Variants in CYP7B1 observed in about 807,000 individuals in gnomAD.
CYP7B1 encodes cytochrome P450 family 7 subfamily B member 1.
Under a neutral mutation model 42.7 loss-of-function variants are expected in CYP7B1, and 29 were observed. The ratio of observed to expected loss-of-function variants is 0.68; its 90% CI spans 0.51 to 0.93. CYP7B1 has a LOEUF of 0.93. Ranked by LOEUF, CYP7B1 falls within the 40% of genes least tolerant of loss-of-function variation. The pLI is 0.00. For missense variants in CYP7B1, 655 were observed against 600.5 expected (o/e 1.09, Z -0.95); for synonymous variants, 235 against 218.2 (o/e 1.08, Z -0.68).
chr8:64,737,400 AT>A (rs1166861818), intron 1 of CYP7B1, among the ~76,000 whole-genome samples: 3 of 152,236 alleles, frequency 2.0e-5, no homozygotes, highest in African/African-American at 4.8e-5. Flanking sequence ...CACTTTGGCC[AT>A]GTAAAATCTC....
chr8:64,705,775 T>C (rs1164475328), intron 1 of CYP7B1, among the ~76,000 whole-genome samples: 2 of 152,088 alleles, frequency 1.3e-5, no homozygotes, highest in African/African-American at 4.8e-5. Context: ...CAGTGAAAGA[T>C]TAATTAAAAA....
At chr8:64,736,123 A>G (rs1807483462) in intron 1 of CYP7B1, among the ~76,000 whole-genome samples, 1 of 152,206 alleles carries the variant, frequency 6.6e-6, no homozygotes, top group African/African-American at 2.4e-5. Flanking sequence ...CTTTGTGTTT[A>G]CATCCCTATT....
chr8:64,722,887 A>C (rs1807267543), intron 1 of CYP7B1, among the ~76,000 whole-genome samples: 1 of 151,872 alleles, frequency 6.6e-6, no homozygotes, highest in African/African-American at 2.4e-5. Context: ...GTGTCTTCTT[A>C]GGGTGAAACT....
rs74994230 is a variant in CYP7B1 at position 64,638,219 on chromosome 8, C to T, written c.123-13680G>A. On this transcript the variant is annotated intron_variant, in intron 1 of 5. Transcript: ENST00000310193. The stretch of plus-strand genomic sequence containing the variant: ...TTATGCTTTCTCTTTTTCATGATGG[C>T]GACTTTCCTCACTAGCTCCAGATCC... Among the ~76,000 whole-genome samples, 1,490 of 151,708 alleles carry T rather than the reference C, an allele frequency of 9.8e-3. 26 individuals are homozygous for T. Among genetic ancestry groups the T allele is most frequent in the African/African-American group, 0.034 (1,403 of 41,340 alleles).
intron 1 of CYP7B1, among the ~76,000 whole-genome samples, chr8:64,727,566 G>A (rs1015447167): frequency 1.3e-5 from 2 of 152,116 alleles, no homozygotes; most frequent in African/African-American, 2.4e-5. Context: ...CAAAGCCACC[G>A]CATCTGTCCC....
At chr8:64,628,865 C>T (rs1322001807) in intron 1 of CYP7B1, among the ~76,000 whole-genome samples, 1 of 152,026 alleles carries the variant, frequency 6.6e-6, no homozygotes, top group Admixed American at 6.5e-5. Context: ...TCATGCTATA[C>T]CTGTAGTTAA....
intron 1 of CYP7B1, among the ~76,000 whole-genome samples, chr8:64,648,727 C>T (rs73237799): frequency 0.087 from 13,290 of 152,162 alleles, 870 homozygotes; most frequent in African/African-American, 0.17. Flanking sequence ...ATGGTAAAGG[C>T]AAGAGGTGTA....
chr8:64,712,580 T>C (rs141770283), intron 1 of CYP7B1, among the ~76,000 whole-genome samples: 275 of 152,122 alleles, frequency 1.8e-3, no homozygotes, highest in African/African-American at 6.3e-3. Flanking sequence ...AACCAACATA[T>C]ATTTGTTAAA....
chr8:64,739,434 T>C (rs150864622), intron 1 of CYP7B1, among the ~76,000 whole-genome samples: 3 of 152,174 alleles, frequency 2.0e-5, no homozygotes, highest in Non-Finnish European at 2.9e-5. Flanking sequence ...CTAGAGGAAG[T>C]TGAGGCCCCT....
intron 1 of CYP7B1, among the ~76,000 whole-genome samples, chr8:64,764,931 C>T (rs1807948167): frequency 6.6e-6 from 1 of 151,578 alleles, no homozygotes; most frequent in South Asian, 2.1e-4. Flanking sequence ...AAAGTTCCGA[C>T]CAGACCTAGA....
At chr8:64,726,024 C>T (rs552751737) in intron 1 of CYP7B1, among the ~76,000 whole-genome samples, 4 of 152,194 alleles carry the variant, frequency 2.6e-5, no homozygotes, top group Non-Finnish European at 5.9e-5. Flanking sequence ...ATCTTGTTCT[C>T]CTGTGAGGAT....
intron 4 of CYP7B1, among the ~76,000 whole-genome samples, chr8:64,607,079 G>T (rs761022489): frequency 6.6e-6 from 1 of 152,170 alleles, no homozygotes; most frequent in East Asian, 1.9e-4. Flanking sequence ...TATCCTGCAC[G>T]GTAGAGCAAC....
intron 5 of CYP7B1, among the ~76,000 whole-genome samples, chr8:64,598,178 T>A (rs749318201): frequency 1.3e-5 from 2 of 152,222 alleles, no homozygotes; most frequent in Non-Finnish European, 2.9e-5. Flanking sequence ...GCAAAATTTA[T>A]CTGCATTTTT....
chr8:64,647,038 A>G (rs1805964245), intron 1 of CYP7B1, among the ~76,000 whole-genome samples: 1 of 152,208 alleles, frequency 6.6e-6, no homozygotes, highest in Non-Finnish European at 1.5e-5. Flanking sequence ...AAGTGAGAGA[A>G]GTGTGAATCT....
chr8:64,728,067 T>TAC lies in CYP7B1; in HGVS notation c.122+70397_122+70398dup, dbSNP rs1422983438. The TAC allele has an allele frequency of 7.9e-5, 12 of 152,356 alleles. No homozygotes were observed. In the East Asian group the frequency reaches 2.1e-3, roughly 27 times the overall value. 9.4% of individuals were successfully genotyped at this position (152,356 alleles called of 1,614,324 possible). On this transcript the variant is annotated intron_variant, in intron 1 of 5. Coordinates refer to ENST00000310193, the MANE Select transcript of CYP7B1 (RefSeq NM_004820.5). Reference sequence around the variant, plus strand: ...GTTTAGCATGCAGTACCTGCTGTGGTACACATTCTTCTGTTAATGAGCATG... The same window carrying TAC: ...GTTTAGCATGCAGTACCTGCTGTGGTACACACATTCTTCTGTTAATGAGCATG...
At chr8:64,745,175 T>C (rs1034047111) in intron 1 of CYP7B1, among the ~76,000 whole-genome samples, 1 of 152,228 alleles carries the variant, frequency 6.6e-6, no homozygotes, top group East Asian at 1.9e-4. Context: ...ATGGGTAAGA[T>C]ACAGCATTCC....
chr8:64,778,634 C>T (rs552732453), intron 1 of CYP7B1, among the ~76,000 whole-genome samples: 3 of 152,174 alleles, frequency 2.0e-5, no homozygotes, highest in Admixed American at 6.5e-5. Context: ...ATAATTAATT[C>T]CCAGGGGGTG....
intron 1 of CYP7B1, among the ~76,000 whole-genome samples, chr8:64,721,995 A>T (rs1372864346): frequency 1.3e-5 from 2 of 152,196 alleles, no homozygotes. Flanking sequence ...ATTAACTATA[A>T]ACAATTTATA....
At chr8:64,763,416 C>T (rs1807920228) in intron 1 of CYP7B1, among the ~76,000 whole-genome samples, 1 of 152,258 alleles carries the variant, frequency 6.6e-6, no homozygotes, top group Middle Eastern at 3.4e-3. Context: ...GGGAGCAGCC[C>T]GCCACCGTCT....
Sources: gnomAD v4.1 joint callset for allele counts (sites outside exome capture counted in the v4.1 genomes callset) on GRCh38, gnomAD v4.1.1 for gene constraint, MANE v1.5 for transcripts, NCBI Gene and HGNC (gene_info 2026-07-23, HGNC 2026-07-21) for gene names.